The following MGST2 variants were observed in gnomAD, a reference collection of about 807,000 sequenced individuals.
MGST2 encodes the protein glutathione peroxidase MGST2.
In MGST2, 9 loss-of-function variants were observed where a neutral mutation model predicts 16.6. The ratio of observed to expected loss-of-function variants is 0.54; its 90% CI spans 0.33 to 0.95. The LOEUF (loss-of-function observed/expected upper bound fraction) is 0.95. MGST2 is among the 40% of genes least tolerant of loss of function. The pLI, the probability that MGST2 is intolerant of heterozygous loss-of-function variation, is 0.03. For missense variants in MGST2, 159 were observed against 175.1 expected (o/e 0.91, Z 0.52); for synonymous variants, 79 against 68.0 (o/e 1.16, Z -0.79).
At chr4:139,683,931 T>G (rs983878582) in intron 2 of MGST2, among the ~76,000 whole-genome samples, 4 of 146,350 alleles carry the variant, frequency 2.7e-5, no homozygotes, top group African/African-American at 1.0e-4. Flanking sequence ...TTTTTTTTTT[T>G]TTTTTTTTTT....
At chr4:139,689,535 C>T (rs887821136) in intron 2 of MGST2, among the ~76,000 whole-genome samples, 1 of 152,194 alleles carries the variant, frequency 6.6e-6, no homozygotes, top group African/African-American at 2.4e-5. Flanking sequence ...CAAAAGACCG[C>T]CCAGGGTCCA....
At chr4:139,681,414 C>T (rs564655749) in intron 2 of MGST2, among the ~76,000 whole-genome samples, 123 of 152,222 alleles carry the variant, frequency 8.1e-4, no homozygotes, top group African/African-American at 2.6e-3. Flanking sequence ...GTGTGTTAAC[C>T]TCCAGGACTG....
chr4:139,724,947 C>T (rs953010191), intron 5 of MGST2, among the ~76,000 whole-genome samples: 4 of 151,972 alleles, frequency 2.6e-5, no homozygotes, highest in African/African-American at 9.7e-5. Flanking sequence ...TTTAGAGAGA[C>T]AGGGTTTTGC....
At position 139,701,987 on chromosome 4, in the gene MGST2, G is replaced by A. The variant is rs192409299; in HGVS notation, c.230-1468G>A. On this transcript the variant is annotated intron_variant, in intron 3 of 4. Coordinates refer to ENST00000265498, the MANE Select transcript of MGST2 (RefSeq NM_002413.5). ...TCTCAAGAAAAAAAAAAAATCATGC[G>A]GCCAAGTAAAATAATAAATTTAATT... 1.4e-4 allele frequency among the ~76,000 whole-genome samples: 21 copies of A among 151,136 alleles called. No homozygotes were observed. The East Asian group carries it at 2.9e-3, about 21-fold the overall frequency.
At chr4:139,701,693 G>A (rs1473091726) in intron 3 of MGST2, among the ~76,000 whole-genome samples, 1 of 152,112 alleles carries the variant, frequency 6.6e-6, no homozygotes, top group African/African-American at 2.4e-5. Flanking sequence ...GCTGGGTGTG[G>A]TGGCTCACAC....
intron 3 of MGST2, 125 bp downstream of exon 3, chr4:139,695,392 T>A (rs1000018558): frequency 3.8e-6 from 3 of 787,654 alleles, no homozygotes; most frequent in Non-Finnish European, 6.5e-6. Context: ...GAGGCCCAGG[T>A]GGGTGGATCA....
At chr4:139,708,952 T>C (rs1487326686), downstream of MGST2, among the ~76,000 whole-genome samples, 3 of 130,862 alleles carry the variant, frequency 2.3e-5, no homozygotes, top group Non-Finnish European at 4.6e-5. Flanking sequence ...TGAGCGGAGA[T>C]GGCACCACTG....
the MGST2 span, among the ~76,000 whole-genome samples, chr4:139,753,387 T>TCTATC: frequency 6.6e-6 from 1 of 150,768 alleles, no homozygotes; most frequent in South Asian, 2.1e-4. Flanking sequence ...TATCTATCTA[T>TCTATC]TTTTTGTTAG....
rs569637267 is a variant in MGST2 at position 139,735,473 on chromosome 4, G to T, written c.*49-4739G>T. ...TAGGGGGGCAGTGGCGACCTCCGGG[G>T]GGGGAGGGTGGCGGACACCAGACCC... is the stretch of plus-strand genomic sequence containing the variant. On this transcript the variant is annotated intron_variant, in intron 5 of 5. Transcript: ENST00000616265. The surrounding 1 kb of genome is among the most constrained non-coding windows in gnomAD (Gnocchi z 5.8). Among the ~76,000 whole-genome samples the T allele has an allele frequency of 2.0e-5, 3 of 151,912 alleles. No individual in the cohort carries two copies. The East Asian group carries it at 5.9e-4, about 30-fold the overall frequency.
At chr4:139,703,647 A>G in intron 4 of MGST2, 111 bp downstream of exon 4, 2 of 996,694 alleles carry the variant, frequency 2.0e-6, no homozygotes, top group Non-Finnish European at 1.6e-6. Flanking sequence ...TGGTGGCAAA[A>G]GTAATCCATA....
intron 2 of MGST2, among the ~76,000 whole-genome samples, chr4:139,691,238 G>A (rs1200227745): frequency 1.3e-5 from 2 of 152,190 alleles, no homozygotes; most frequent in Admixed American, 1.3e-4. Context: ...AGGGAAGATT[G>A]ACAGCTACTG....
chr4:139,728,449 A>G (rs1271497535), intron 5 of MGST2, among the ~76,000 whole-genome samples: 1 of 152,204 alleles, frequency 6.6e-6, no homozygotes, highest in Non-Finnish European at 1.5e-5. Flanking sequence ...ACATGATCTT[A>G]TGTGATCCTT....
intron 5 of MGST2, among the ~76,000 whole-genome samples, chr4:139,728,488 A>G (rs1353180699): frequency 1.3e-5 from 2 of 152,236 alleles, no homozygotes; most frequent in East Asian, 1.9e-4. Context: ...GGGCTGGGAA[A>G]TTATTAAAAC....
At chr4:139,695,884 G>A (rs538129059) in intron 3 of MGST2, among the ~76,000 whole-genome samples, 20 of 152,140 alleles carry the variant, frequency 1.3e-4, no homozygotes, top group South Asian at 6.2e-4. Context: ...CTGACCCCCC[G>A]CCCCACACAC....
intron 5 of MGST2, among the ~76,000 whole-genome samples, chr4:139,734,957 G>A (rs543526861): frequency 1.3e-5 from 2 of 152,362 alleles, no homozygotes; most frequent in East Asian, 1.9e-4. Context: ...AGCAGCTGCC[G>A]TTCTTCCCGC....
intron 1 of MGST2, 53 bp from the exon 2 acceptor site, chr4:139,678,490 T>G: frequency 7.5e-7 from 1 of 1,339,646 alleles, no homozygotes; most frequent in East Asian, 2.3e-5. Flanking sequence ...TGCATTCCAC[T>G]AATGACTAAT....
chr4:139,678,910 A>G (rs1228703362), intron 2 of MGST2: 1 of 532,052 alleles, frequency 1.9e-6, no homozygotes, highest in Admixed American at 3.3e-5. Flanking sequence ...GTGTCTCCCA[A>G]GGAGGGTCAC....
chr4:139,748,895 G>C, the MGST2 span, among the ~76,000 whole-genome samples: 2 of 152,164 alleles, frequency 1.3e-5, no homozygotes, highest in African/African-American at 4.8e-5. Context: ...CCTCCGAAGA[G>C]AGCCTCTCTT....
At chr4:139,747,642 C>T in the MGST2 span, among the ~76,000 whole-genome samples, 4 of 150,898 alleles carry the variant, frequency 2.7e-5, no homozygotes, top group Non-Finnish European at 5.9e-5. Context: ...TACAGTGAGC[C>T]GAGATAGTGC....
Sources: allele counts gnomAD v4.1 joint callset (sites outside exome capture counted in the v4.1 genomes callset), GRCh38; gene constraint gnomAD v4.1.1; non-coding constraint Gnocchi (gnomAD v3.1); transcripts MANE v1.5; gene names NCBI Gene and HGNC (gene_info 2026-07-23, HGNC 2026-07-21).